MYO3B: variants seen among roughly 807,000 people sequenced by gnomAD.
MYO3B encodes the protein myosin-IIIb.
A neutral mutation model predicts 174.6 loss-of-function variants in MYO3B; 156 were observed. That is an observed-to-expected ratio of 0.89 (90% CI 0.78 to 1.02). The LOEUF (loss-of-function observed/expected upper bound fraction) is 1.02, where lower values mean the gene tolerates loss of function less well. Ranked by LOEUF, MYO3B falls within the 50% of genes least tolerant of loss-of-function variation. The pLI is 0.00. For missense variants in MYO3B, 1,632 were observed against 1,639.4 expected, an observed-to-expected ratio of 1.00 and a Z score of 0.08; for synonymous variants, 563 against 569.1, an observed-to-expected ratio of 0.99 and a Z score of 0.15.
At chr2:170,248,524 C>T (rs1301946040) in intron 7 of MYO3B, among the ~76,000 whole-genome samples, 1 of 152,186 alleles carries the variant, frequency 6.6e-6, no homozygotes, top group Non-Finnish European at 1.5e-5. Flanking sequence ...GGGCTAAAAT[C>T]AAGGTGTCAC....
intron 32 of MYO3B, among the ~76,000 whole-genome samples, chr2:170,587,002 A>G (rs1255578713): frequency 6.6e-6 from 1 of 152,204 alleles, no homozygotes; most frequent in Non-Finnish European, 1.5e-5. Flanking sequence ...TAATGAATGA[A>G]TATGTTGGTT....
At chr2:170,370,757 G>A (rs975245188) in intron 9 of MYO3B, among the ~76,000 whole-genome samples, 8 of 151,938 alleles carry the variant, frequency 5.3e-5, no homozygotes, top group Admixed American at 3.9e-4. Flanking sequence ...TAAAGGGTAT[G>A]AGTCAAATCC....
intron 28 of MYO3B, 27 bp from the exon 29 acceptor site, chr2:170,514,894 A>T (rs760008305): frequency 1.2e-6 from 2 of 1,603,208 alleles, no homozygotes; most frequent in Non-Finnish European, 8.5e-7. Context: ...CATAACCTTG[A>T]GAAAGTCTTT....
intron 8 of MYO3B, chr2:170,343,801 G>A (rs1047748674): frequency 6.6e-6 from 1 of 152,254 alleles, no homozygotes; most frequent in Non-Finnish European, 1.5e-5. Flanking sequence ...TTTTGGCCTT[G>A]AACAAGTCAC....
chr2:170,605,427 C>T (rs1243177550), intron 32 of MYO3B, among the ~76,000 whole-genome samples: 1 of 152,214 alleles, frequency 6.6e-6, no homozygotes, highest in Non-Finnish European at 1.5e-5. Flanking sequence ...TTCAGACACA[C>T]ACAGAGCTTC....
chr2:170,376,185 A>G (rs1273762830), intron 9 of MYO3B, among the ~76,000 whole-genome samples: 1 of 152,190 alleles, frequency 6.6e-6, no homozygotes, highest in Non-Finnish European at 1.5e-5. Flanking sequence ...CATAGCCTTA[A>G]GTTCAGGGTC....
Position 170,304,325 on chromosome 2 carries a change from G to A in MYO3B, c.750-31060G>A. ...TAATCTTCAAAAATTTTTCCAATAT[G>A]ATGGATAAAATTATATCTTGTTTTC... On this transcript the variant is annotated intron_variant, in intron 7 of 34. Coordinates refer to ENST00000408978, the MANE Select transcript of MYO3B (RefSeq NM_138995.5). Among the ~76,000 whole-genome samples the A allele has an allele frequency of 1.3e-5, 2 of 151,956 alleles. 1 individual carries two copies. The highest frequency in any genetic ancestry group is 2.9e-5 in the Non-Finnish European group (2 of 67,980).
At chr2:170,262,828 C>T (rs2093355371) in intron 7 of MYO3B, among the ~76,000 whole-genome samples, 1 of 152,144 alleles carries the variant, frequency 6.6e-6, no homozygotes, top group African/African-American at 2.4e-5. Flanking sequence ...ATCTCTCTCC[C>T]AGGATGTAAG....
At chr2:170,382,205 C>T in intron 10 of MYO3B, 93 bp downstream of exon 10, 1 of 1,019,974 alleles carries the variant, frequency 9.8e-7, no homozygotes, top group Non-Finnish European at 1.5e-6. Flanking sequence ...CTCCTAAGGT[C>T]ATTTGAAAAT....
intron 7 of MYO3B, among the ~76,000 whole-genome samples, chr2:170,278,245 C>A (rs1022077596): frequency 6.6e-6 from 1 of 152,132 alleles, no homozygotes; most frequent in African/African-American, 2.4e-5. Flanking sequence ...CAGAGCAGGT[C>A]TCCCTGCTTG....
At chr2:170,548,223 A>G (rs1043159623) in intron 32 of MYO3B, among the ~76,000 whole-genome samples, 1 of 151,860 alleles carries the variant, frequency 6.6e-6, no homozygotes, top group South Asian at 2.1e-4. Flanking sequence ...GCAGAAGACC[A>G]TGATAAAGGC....
At chr2:170,345,603 C>T (rs1202594161) in intron 8 of MYO3B, among the ~76,000 whole-genome samples, 1 of 151,938 alleles carries the variant, frequency 6.6e-6, no homozygotes, top group Non-Finnish European at 1.5e-5. Context: ...AAGCTTGAAC[C>T]TTCAGGCTCA....
In MYO3B at chr2:170,464,654, C is replaced by T. The variant is rs1054266910; in HGVS notation, c.2808+1209C>T. Among the ~76,000 whole-genome samples, 9 of 152,278 alleles carry T rather than the reference C, an allele frequency of 5.9e-5. No individual in the cohort carries two copies. The South Asian group carries it at 6.2e-4, about 11-fold the overall frequency. On this transcript the variant is annotated intron_variant, in intron 24 of 34. Coordinates refer to ENST00000408978, the MANE Select transcript of MYO3B (RefSeq NM_138995.5). ...ATGAATTGCAGGGGCCCCAGACCTT[C>T]GAATCCAGTATTCCATCCATGCATT...
At chr2:170,220,356 A>C (rs953056797) in intron 6 of MYO3B, among the ~76,000 whole-genome samples, 2 of 148,672 alleles carry the variant, frequency 1.3e-5, no homozygotes, top group African/African-American at 2.5e-5. Context: ...GTTGACCGGG[A>C]GCGGTGGCTC....
rs189665187 is a variant in MYO3B at position 170,572,423 on chromosome 2, G to A, written c.3733+28435G>A. On this transcript the variant is annotated intron_variant, in intron 32 of 34. Coordinates refer to ENST00000408978, the MANE Select transcript of MYO3B (RefSeq NM_138995.5). ...AGCCTGGGTGACAGAGCAAGACTCT[G>A]TCTCAAAAAAAAAAAAACCCATCTC... Among the ~76,000 whole-genome samples, 1,101 of 146,440 alleles carry A rather than the reference G, an allele frequency of 7.5e-3. 10 individuals carry two copies. The highest frequency in any genetic ancestry group is 0.026 in the African/African-American group (1,047 of 40,034).
chr2:170,409,299 C>T (rs1024952973), intron 22 of MYO3B, among the ~76,000 whole-genome samples: 1 of 152,202 alleles, frequency 6.6e-6, no homozygotes, highest in African/African-American at 2.4e-5. Context: ...CACCCAACTG[C>T]GGGAGGAACA....
intron 7 of MYO3B, among the ~76,000 whole-genome samples, chr2:170,300,538 C>T (rs1231623318): frequency 3.3e-5 from 5 of 152,130 alleles, no homozygotes; most frequent in East Asian, 1.9e-4. Flanking sequence ...TAATGAGGCA[C>T]GAGGGCATTT....
At chr2:170,301,139 T>C (rs1360435909) in intron 7 of MYO3B, among the ~76,000 whole-genome samples, 1 of 152,218 alleles carries the variant, frequency 6.6e-6, no homozygotes, top group Admixed American at 6.5e-5. Context: ...TGTTACACCA[T>C]TTACTTGTCA....
intron 3 of MYO3B, among the ~76,000 whole-genome samples, chr2:170,208,125 G>A (rs1382004908): frequency 6.6e-6 from 1 of 152,212 alleles, no homozygotes; most frequent in Non-Finnish European, 1.5e-5. Context: ...ATGCTCACCT[G>A]TGCTATGCCT....
Sources: gnomAD v4.1 joint callset for allele counts (sites outside exome capture counted in the v4.1 genomes callset) on GRCh38, gnomAD v4.1.1 for gene constraint, MANE v1.5 for transcripts, NCBI Gene and HGNC (gene_info 2026-07-23, HGNC 2026-07-21) for gene names.